LRRK1: variants seen among roughly 807,000 people sequenced by gnomAD.
The protein encoded by LRRK1 is leucine rich repeat kinase 1, also known as leucine-rich repeat serine/threonine-protein kinase 1.
Under a neutral mutation model 209.1 loss-of-function variants are expected in LRRK1, and 113 were observed. The ratio of observed to expected loss-of-function variants is 0.54; its 90% CI spans 0.46 to 0.63. The LOEUF (loss-of-function observed/expected upper bound fraction) is 0.63. Among genes scored for constraint, LRRK1 ranks in the 30% least tolerant of loss-of-function variants. The probability of loss-of-function intolerance (pLI) is 0.00; values close to 1 mark genes in which losing one functional copy is unlikely to be tolerated. For missense variants in LRRK1, 2,284 were observed against 2,632.2 expected (o/e 0.87, Z 2.89); for synonymous variants, 1,144 against 1,099.7 (o/e 1.04, Z -0.80).
At chr15:101,003,189 C>G (rs11636077) in intron 6 of LRRK1, among the ~76,000 whole-genome samples, 12,551 of 152,258 alleles carry the variant, frequency 0.082, 944 homozygotes, top group African/African-American at 0.2. Flanking sequence ...ACAGGTTTTT[C>G]AACCTCCATC....
chr15:101,022,527 T>G lies in LRRK1; in HGVS notation c.1997T>G (p.Val666Gly). 6.2e-7 allele frequency: 1 copy of G among 1,614,044 alleles called. No individual in the cohort carries two copies. Among genetic ancestry groups the G allele is most frequent in the Non-Finnish European group, 8.5e-7 (1 of 1,180,016 alleles). The change falls in exon 15 of 34, where the codon GTG (valine) becomes GGG (glycine). Residue 666 changes from valine to glycine, a missense_variant. This residue lies in a region of LRRK1 where 494 missense variants were observed against 522.1 expected (regional missense o/e 0.95). Coordinates refer to ENST00000388948, the MANE Select transcript of LRRK1 (RefSeq NM_024652.6). This position sits in a 1 kb window ranked among gnomAD's most constrained non-coding sequence, Gnocchi z 4.0. ...EILQTGRAPQ[V>G]VHGEATIRTT... is the part of the protein sequence containing the mutation. ...TTACAGACGGGGAGGGCCCCCCAGGTGGTGCATGGAGAGGCCACCATCAGG... is the reference window on the plus strand; with the variant it reads ...TTACAGACGGGGAGGGCCCCCCAGGGGGTGCATGGAGAGGCCACCATCAGG...
chr15:101,025,141 G>C (rs762927843), intron 16 of LRRK1, among the ~76,000 whole-genome samples, 174 bp downstream of exon 16: 8 of 152,210 alleles, frequency 5.3e-5, no homozygotes, highest in Admixed American at 1.3e-4. Context: ...ACCTTCCTCT[G>C]CTGAGGGCTG....
chr15:100,947,396 G>C (rs1432353315), intron 2 of LRRK1, among the ~76,000 whole-genome samples: 2 of 152,148 alleles, frequency 1.3e-5, no homozygotes, highest in Non-Finnish European at 2.9e-5. Context: ...CCAATTATGA[G>C]ATATCTTATT....
intron 3 of LRRK1, among the ~76,000 whole-genome samples, chr15:100,975,212 G>T (rs735873): frequency 0.5 from 76,209 of 152,072 alleles, 19,529 homozygotes; most frequent in South Asian, 0.6. Flanking sequence ...AAGCAGGGAG[G>T]AGCTGGGCAG....
intron 20 of LRRK1, among the ~76,000 whole-genome samples, chr15:101,034,659 T>TTG (rs1325085406): frequency 2.6e-5 from 4 of 152,142 alleles, no homozygotes; most frequent in African/African-American, 7.2e-5. Context: ...TACTATAGCT[T>TTG]TGTAGTATAT....
chr15:101,055,553 C>G (rs1056308086), intron 27 of LRRK1, among the ~76,000 whole-genome samples: 4 of 152,166 alleles, frequency 2.6e-5, no homozygotes, highest in African/African-American at 9.7e-5. Context: ...ATTTAGATGT[C>G]CACAGTGAGG....
intron 12 of LRRK1, among the ~76,000 whole-genome samples, chr15:101,019,379 G>C (rs987679042): frequency 1.3e-5 from 2 of 151,642 alleles, no homozygotes; most frequent in Non-Finnish European, 2.9e-5. Context: ...TTCATTGAAG[G>C]AAAAAAAAGG....
At chr15:100,992,153 G>A (rs2032182736) in intron 6 of LRRK1, among the ~76,000 whole-genome samples, 1 of 152,032 alleles carries the variant, frequency 6.6e-6, no homozygotes, top group Non-Finnish European at 1.5e-5. Context: ...TTTCTATGTG[G>A]TTTTATATAA....
At chr15:101,048,345 G>T in intron 21 of LRRK1, 149 bp from the exon 22 acceptor site, 1 of 559,102 alleles carries the variant, frequency 1.8e-6, no homozygotes, top group Non-Finnish European at 3.1e-6. Context: ...CGTTCAATTT[G>T]GCAGCAGGGA....
chr15:100,996,029 G>C (rs1261402665), intron 6 of LRRK1, among the ~76,000 whole-genome samples: 6 of 152,242 alleles, frequency 3.9e-5, no homozygotes, highest in African/African-American at 1.4e-4. Context: ...GTTAAGGCAG[G>C]CGTTTTACTG....
At chr15:100,930,814 A>G (rs1596157993) in intron 2 of LRRK1, among the ~76,000 whole-genome samples, 1 of 152,234 alleles carries the variant, frequency 6.6e-6, no homozygotes, top group Non-Finnish European at 1.5e-5. Flanking sequence ...TGAAGGAGCC[A>G]TCACTAGGGA....
At chr15:100,962,821 A>ATTTTTT (rs1430253898) in intron 2 of LRRK1, among the ~76,000 whole-genome samples, 4 of 14,684 alleles carry the variant, frequency 2.7e-4, no homozygotes, top group African/African-American at 4.3e-4. Flanking sequence ...ATATATATAT[A>ATTTTTT]TATTTTTTTT....
intron 2 of LRRK1, among the ~76,000 whole-genome samples, chr15:100,935,988 G>C (rs547423301): frequency 6.6e-6 from 1 of 152,324 alleles, no homozygotes; most frequent in East Asian, 1.9e-4. Context: ...CATAGGCCTA[G>C]ACCTGGTACA....
chr15:100,943,275 AG>A (rs1361975043), intron 2 of LRRK1, among the ~76,000 whole-genome samples: 1 of 152,202 alleles, frequency 6.6e-6, no homozygotes, highest in Non-Finnish European at 1.5e-5. Context: ...TCAGTGATTT[AG>A]AGTGGAAATT....
intron 1 of LRRK1, among the ~76,000 whole-genome samples, chr15:100,923,209 C>A (rs1190897193): frequency 1.3e-5 from 2 of 152,146 alleles, no homozygotes; most frequent in East Asian, 1.9e-4. Flanking sequence ...CACAGTAACC[C>A]CACTAGCAGG....
intron 29 of LRRK1, 52 bp downstream of exon 29, chr15:101,058,193 C>T: frequency 1.3e-6 from 2 of 1,580,146 alleles, no homozygotes; most frequent in Non-Finnish European, 1.7e-6. Flanking sequence ...TGGGAGGCCG[C>T]CGTGGAATCT....
chr15:101,048,150 T>C (rs1175835501), intron 21 of LRRK1, among the ~76,000 whole-genome samples: 1 of 152,186 alleles, frequency 6.6e-6, no homozygotes, highest in Non-Finnish European at 1.5e-5. Context: ...ATGATCTCTC[T>C]GCTTGGTGTT....
At chr15:100,930,892 A>C (rs562330678) in intron 2 of LRRK1, among the ~76,000 whole-genome samples, 55 of 152,354 alleles carry the variant, frequency 3.6e-4, no homozygotes, top group Middle Eastern at 3.4e-3. Context: ...ATGTAAGTCT[A>C]AACTTGAGTG....
At chr15:100,927,265 C>T (rs1379992322) in intron 2 of LRRK1, among the ~76,000 whole-genome samples, 1 of 152,152 alleles carries the variant, frequency 6.6e-6, no homozygotes, top group Non-Finnish European at 1.5e-5. Flanking sequence ...CCTCCAAGCT[C>T]GTGGCAGGAC....
Sources: allele counts gnomAD v4.1 joint callset (sites outside exome capture counted in the v4.1 genomes callset), GRCh38; gene constraint gnomAD v4.1.1; regional missense constraint gnomAD v4.1.1; non-coding constraint Gnocchi (gnomAD v3.1); transcripts MANE v1.5; gene names NCBI Gene and HGNC (gene_info 2026-07-23, HGNC 2026-07-21).